SIN3B: variants seen among roughly 807,000 people sequenced by gnomAD.
SIN3B encodes the protein SIN3 transcription regulator family member B, also known as paired amphipathic helix protein Sin3b.
SIN3B carries 19 observed loss-of-function variants against 120.2 expected under a neutral mutation model. The ratio of observed to expected loss-of-function variants is 0.16; its 90% CI spans 0.11 to 0.23. The LOEUF is 0.23. Ranked by LOEUF, SIN3B falls within the 10% of genes least tolerant of loss-of-function variation. The pLI is 1.00. For synonymous variants in SIN3B, 654 were observed against 653.2 expected (o/e 1.00, Z -0.02); for missense variants, 1,073 against 1,573.0 (o/e 0.68, Z 5.38).
intron 12 of SIN3B, among the ~76,000 whole-genome samples, chr19:16,866,905 C>T (rs986816139): frequency 6.6e-5 from 10 of 152,200 alleles, no homozygotes; most frequent in African/African-American, 1.9e-4. Context: ...TACAGGCGCA[C>T]ACCACCACAC....
chr19:16,839,468 G>T (rs1439034435), intron 3 of SIN3B, among the ~76,000 whole-genome samples: 1 of 152,156 alleles, frequency 6.6e-6, no homozygotes, highest in African/African-American at 2.4e-5. Context: ...TCCCCATTTT[G>T]TCGCAGTGGC....
intron 12 of SIN3B, among the ~76,000 whole-genome samples, 173 bp from the exon 13 acceptor site, chr19:16,869,287 G>A (rs1971822670): frequency 6.6e-6 from 1 of 152,194 alleles, no homozygotes; most frequent in Admixed American, 6.5e-5. Context: ...AGAGGTTGAG[G>A]CAAGCGACCT....
At chr19:16,864,865 C>T (rs1378670329) in intron 10 of SIN3B, among the ~76,000 whole-genome samples, 2 of 148,590 alleles carry the variant, frequency 1.3e-5, no homozygotes, top group African/African-American at 5.0e-5. Context: ...GACAGAGTTT[C>T]ACTCTGTCGC....
intron 2 of SIN3B, 81 bp from the exon 3 acceptor site, chr19:16,831,413 A>C: frequency 7.2e-7 from 1 of 1,382,438 alleles, no homozygotes; most frequent in South Asian, 1.3e-5. Flanking sequence ...TTTATGTGGC[A>C]GTATCAAGGG....
intron 8 of SIN3B, among the ~76,000 whole-genome samples, chr19:16,858,570 A>G (rs1350758212): frequency 6.6e-6 from 1 of 152,072 alleles, no homozygotes; most frequent in Non-Finnish European, 1.5e-5. Flanking sequence ...TAGTCCTTTT[A>G]AAGGTGAGGG....
At position 16,847,023 on chromosome 19, in the gene SIN3B, G is replaced by A. The variant is rs1397862727; in HGVS notation, c.636G>A (p.Glu212=). The change falls in exon 5 of 19, where the codon GAG becomes GAA. Residue 212 remains glutamate (E), a synonymous_variant. Coordinates refer to ENST00000248054, the MANE Select transcript of SIN3B (RefSeq NM_001297595.2). ...GRPFRGMSEE[E]VFTEVANLFR... is the part of the protein sequence containing the mutation. ...CATTCCGAGGCATGTCTGAAGAGGAGGTGTTCACCGAGGTGGCCAACCTCT... is the reference window on the plus strand; with the variant it reads ...CATTCCGAGGCATGTCTGAAGAGGAAGTGTTCACCGAGGTGGCCAACCTCT... The A allele has an allele frequency of 1.2e-6, 2 of 1,614,098 alleles. No individual in the cohort carries two copies. Among genetic ancestry groups the A allele is most frequent in the African/African-American group, 1.3e-5 (1 of 74,952 alleles).
In SIN3B at chr19:16,866,359, T is replaced by C; in HGVS notation, c.1623-14T>C. On this transcript the variant is annotated splice_polypyrimidine_tract_variant and intron_variant, in intron 11 of 18. Transcript: ENST00000248054. ...CTGGCTTGTCCCTGGTGCTGACCTC[T>C]CTTCCCCCCGCAGACTGAAGGCCAA... 1 of 1,606,296 alleles carries C rather than the reference T, an allele frequency of 6.2e-7. No individual in the cohort carries two copies. Among genetic ancestry groups the C allele is most frequent in the Admixed American group, 1.7e-5 (1 of 58,540 alleles).
Position 16,829,591 on chromosome 19 carries a change from G to T in SIN3B, c.120+51G>T, listed in dbSNP as rs560806526. 1.5e-4 allele frequency: 183 copies of T among 1,245,754 alleles called. 1 individual carries two copies. In the African/African-American group the frequency reaches 2.6e-3, roughly 18 times the overall value. The allele number at this position is 1,245,754 out of a possible 1,614,324, so 77.2% of individuals were successfully genotyped here. A position where few individuals can be genotyped will look rare whatever the true frequency, so the allele number is the denominator to read the frequency against. On this transcript the variant is annotated intron_variant, in intron 1 of 18. Transcript: ENST00000248054. ...GGGGAACCCATCTTCTGGACCCCGC[G>T]GGCGGGCGCCCCTCACCCAGGCCCC... is the stretch of plus-strand genomic sequence containing the variant.
intron 7 of SIN3B, among the ~76,000 whole-genome samples, chr19:16,853,604 G>A (rs1446409551): frequency 6.7e-6 from 1 of 149,644 alleles, no homozygotes; most frequent in African/African-American, 2.5e-5. Context: ...ATGGACACAT[G>A]CATGGACTGT....
chr19:16,834,298 G>C (rs570430692), intron 3 of SIN3B, among the ~76,000 whole-genome samples: 5 of 152,350 alleles, frequency 3.3e-5, no homozygotes, highest in Admixed American at 3.3e-4. Context: ...GAAAGAGCCA[G>C]AGTGAAAAGA....
Position 16,876,638 on chromosome 19 carries a change from T to C in SIN3B, c.2859+60T>C, listed in dbSNP as rs890111143. ...CAGGGAGCGCCTGAGGGCAGCAGCATGGGGCTCCCACCAGCCAAGCGCAGG... is the reference window on the plus strand; with the variant it reads ...CAGGGAGCGCCTGAGGGCAGCAGCACGGGGCTCCCACCAGCCAAGCGCAGG... On this transcript the variant is annotated intron_variant, in intron 16 of 18. Transcript: ENST00000248054. The surrounding 1 kb of genome is among the most constrained non-coding windows in gnomAD (Gnocchi z 7.1). 6 of 1,365,708 alleles carry C rather than the reference T, an allele frequency of 4.4e-6. No homozygotes were observed. The African/African-American group carries it at 8.6e-5, about 20-fold the overall frequency. The allele number at this position is 1,365,708 out of a possible 1,614,324, so 84.6% of individuals were successfully genotyped here.
At chr19:16,866,788 G>A (rs751505791) in intron 12 of SIN3B, among the ~76,000 whole-genome samples, 2 of 152,142 alleles carry the variant, frequency 1.3e-5, no homozygotes, top group Non-Finnish European at 2.9e-5. Flanking sequence ...ACAGAGTCTC[G>A]CTGTGTTACA....
Position 16,829,457 on chromosome 19 carries a change from G to T in SIN3B, c.37G>T (p.Ala13Ser), listed in dbSNP as rs895620080. ...HAGGGSGGSG[A>S]GGPAGRGLSG... Reference sequence around the variant, plus strand: ...TGGCGGTGGCAGCGGTGGCAGCGGTGCCGGCGGCCCCGCGGGCCGGGGGCT... The same window carrying T: ...TGGCGGTGGCAGCGGTGGCAGCGGTTCCGGCGGCCCCGCGGGCCGGGGGCT... Residue 13 changes from alanine (A) to serine (S), a missense_variant, in exon 1 of 19, where the codon GCC becomes TCC. This residue lies in a region of SIN3B where 395 missense variants were observed against 528.0 expected (regional missense o/e 0.75). Coordinates refer to ENST00000248054, the MANE Select transcript of SIN3B (RefSeq NM_001297595.2). The T allele has an allele frequency of 9.9e-5, 120 of 1,215,468 alleles. No homozygotes were observed. In the African/African-American group the frequency reaches 1.7e-3, roughly 17 times the overall value. 75.3% of individuals were successfully genotyped at this position (1,215,468 alleles called of 1,614,324 possible). A position where few individuals can be genotyped will look rare whatever the true frequency, so the allele number is the denominator to read the frequency against.
intron 3 of SIN3B, among the ~76,000 whole-genome samples, chr19:16,840,144 TC>T (rs148883078): frequency 6.6e-6 from 1 of 152,010 alleles, no homozygotes; most frequent in African/African-American, 2.4e-5. Context: ...AATTGTGTCA[TC>T]CCCCCACCCC....
intron 8 of SIN3B, among the ~76,000 whole-genome samples, chr19:16,859,228 C>T (rs566661345): frequency 7.9e-5 from 12 of 152,326 alleles, no homozygotes; most frequent in Middle Eastern, 3.4e-3. Flanking sequence ...GTGAGCTTAG[C>T]GTGCTGTTAG....
intron 4 of SIN3B, chr19:16,844,139 C>T (rs948997364): frequency 6.6e-6 from 1 of 152,320 alleles, no homozygotes; most frequent in African/African-American, 2.4e-5. Context: ...CCACCATACC[C>T]AGCTGGATGG....
At chr19:16,853,023 A>C (rs767768974) in intron 6 of SIN3B, 46 bp from the exon 7 acceptor site, 1 of 1,488,310 alleles carries the variant, frequency 6.7e-7, no homozygotes, top group South Asian at 1.1e-5. Context: ...GACAGAGGCC[A>C]CCGGTGGGAG....
intron 8 of SIN3B, among the ~76,000 whole-genome samples, chr19:16,858,930 A>G (rs1268893026): frequency 6.6e-6 from 1 of 152,140 alleles, no homozygotes; most frequent in Admixed American, 6.6e-5. Context: ...AGCCTGGGCA[A>G]CAGAGCAAGC....
chr19:16,870,204 T>G (rs571834288), intron 13 of SIN3B, 129 bp downstream of exon 13: 1 of 1,137,898 alleles, frequency 8.8e-7, no homozygotes, highest in South Asian at 1.7e-5. Context: ...TGATTTCAAA[T>G]GGGAAATTGC....
Sources: gnomAD v4.1 joint callset for allele counts (sites outside exome capture counted in the v4.1 genomes callset) on GRCh38, gnomAD v4.1.1 for gene constraint, gnomAD v4.1.1 regional missense constraint, Gnocchi (gnomAD v3.1) non-coding constraint, MANE v1.5 for transcripts, NCBI Gene and HGNC (gene_info 2026-07-23, HGNC 2026-07-21) for gene names.